LPIN2: variants seen among roughly 807,000 people sequenced by gnomAD.
LPIN2 encodes the protein phosphatidate phosphatase LPIN2.
In LPIN2, 55 loss-of-function variants were observed where a neutral mutation model predicts 111.4. The observed-to-expected ratio is 0.49, with a 90% CI of 0.40 to 0.62. The LOEUF (loss-of-function observed/expected upper bound fraction) is 0.62. LPIN2 is among the 20% of genes least tolerant of loss of function. The pLI is 0.00. For missense variants in LPIN2, 992 were observed against 1,112.1 expected (o/e 0.89, Z 1.54); for synonymous variants, 425 against 414.0 (o/e 1.03, Z -0.32).
At chr18:2,996,564 G>A (rs866527656) in intron 1 of LPIN2, among the ~76,000 whole-genome samples, 3 of 138,484 alleles carry the variant, frequency 2.2e-5, no homozygotes, top group African/African-American at 5.6e-5. Context: ...TGCAAGCTCC[G>A]GCTCCCAGGT....
chr18:2,976,883 A>T (rs2143336485), intron 1 of LPIN2, among the ~76,000 whole-genome samples: 1 of 152,324 alleles, frequency 6.6e-6, no homozygotes, highest in African/African-American at 2.4e-5. Flanking sequence ...TATACATCCA[A>T]AAGTCATCGT....
In LPIN2 at chr18:2,917,435, T is replaced by C. The variant is rs886398938; in HGVS notation, c.*2858A>G. The C allele has an allele frequency of 6.6e-6, 1 of 152,156 alleles. No homozygotes were observed. The highest frequency in any genetic ancestry group is 6.5e-5 in the Admixed American group (1 of 15,276). 9.4% of individuals were successfully genotyped at this position (152,156 alleles called of 1,614,324 possible). On this transcript the variant is annotated 3_prime_UTR_variant, in exon 20 of 20. Transcript: ENST00000677752. ...ACTTCCTTGTTTATTCTTTAAAGGG[T>C]TGGCCTGCACCTGCAGTGCCAACTG...
intron 1 of LPIN2, among the ~76,000 whole-genome samples, chr18:3,008,259 T>C (rs1015961992): frequency 6.6e-6 from 1 of 152,018 alleles, no homozygotes; most frequent in Non-Finnish European, 1.5e-5. Flanking sequence ...CTGGGCAACA[T>C]GATGATACCT....
In LPIN2 at chr18:2,920,800, T is replaced by C. The variant is rs768892153; in HGVS notation, c.2524A>G (p.Arg842Gly). 6 of 1,614,012 alleles carry C rather than the reference T, an allele frequency of 3.7e-6. No homozygotes were observed. The highest frequency in any genetic ancestry group is 4.2e-6 in the Non-Finnish European group (5 of 1,179,950). ...TACGATGACTTGTTTCCTTTGGTTC[T>C]TTCTTGTATTAATTCACCCTTGGGG... is the stretch of plus-strand genomic sequence containing the variant. The part of the protein sequence containing the change: ...VNPKGELIQE[R>G]TKGNKSSYHR... The change falls in exon 19 of 20, where the codon AGA becomes GGA. Residue 842 changes from arginine to glycine, a missense_variant. Transcript: ENST00000677752.
chr18:2,921,895 G>GT (rs752152242), intron 17 of LPIN2, 152 bp downstream of exon 17: 31 of 1,126,734 alleles, frequency 2.8e-5, no homozygotes, highest in Non-Finnish European at 3.9e-5. Flanking sequence ...CAAGTGAGCA[G>GT]TATGTGGTAG....
At chr18:2,962,896 A>G (rs1260315716) in intron 1 of LPIN2, among the ~76,000 whole-genome samples, 2 of 152,364 alleles carry the variant, frequency 1.3e-5, no homozygotes, top group East Asian at 3.9e-4. Flanking sequence ...ATTCAGCCAC[A>G]AACAAGTCTT....
intron 1 of LPIN2, among the ~76,000 whole-genome samples, chr18:2,986,524 G>C (rs1790988): frequency 0.91 from 131,923 of 144,280 alleles, 61,075 homozygotes; most frequent in East Asian, 1. Flanking sequence ...GTAGTCTATT[G>C]TGATAAGTCT....
At chr18:2,961,805 T>C (rs1177780537) in intron 1 of LPIN2, among the ~76,000 whole-genome samples, 2 of 152,124 alleles carry the variant, frequency 1.3e-5, no homozygotes, top group Admixed American at 1.3e-4. Flanking sequence ...GTGAAAGCCA[T>C]TCTGGGGACT....
At chr18:2,976,475 G>T (rs1456681202) in intron 1 of LPIN2, among the ~76,000 whole-genome samples, 1 of 152,176 alleles carries the variant, frequency 6.6e-6, no homozygotes, top group Non-Finnish European at 1.5e-5. Context: ...AAAGAATGTA[G>T]GCTGCCTTAT....
chr18:2,921,063 G>T lies in LPIN2; in HGVS notation c.2443-182C>A, dbSNP rs1266798965. ...AACCTAAACTACAGAGTGGTGCTTG[G>T]AGAGTCAGAAAACTTGGGCAGCCAC... On this transcript the variant is annotated intron_variant, in intron 18 of 19. Coordinates refer to ENST00000677752, the MANE Select transcript of LPIN2 (RefSeq NM_001375808.2). 14 of 650,566 alleles carry T rather than the reference G, an allele frequency of 2.2e-5. No individual in the cohort carries two copies. In the East Asian group the frequency reaches 3.6e-4, roughly 17 times the overall value. 40.3% of individuals were successfully genotyped at this position (650,566 alleles called of 1,614,324 possible).
rs150312425 is a variant in LPIN2 at position 2,951,129 on chromosome 18, G to A, written c.516C>T (p.Ala172=). Residue 172 remains alanine (A), a synonymous_variant, in exon 4 of 20, where the codon GCC becomes GCT. Transcript: ENST00000677752. ...YKQDSKKEEQ[A]ASAAAEDTCD... is the part of the protein sequence containing the mutation. ...ATGTGTCTTCTGCAGCAGCAGATGCGGCCTGCTCTTCCTTCTTACTGTCCT... is the reference window on the plus strand; with the variant it reads ...ATGTGTCTTCTGCAGCAGCAGATGCAGCCTGCTCTTCCTTCTTACTGTCCT... 159 of 1,614,060 alleles carry A rather than the reference G, an allele frequency of 9.9e-5. 2 individuals are homozygous for A. The highest frequency in any genetic ancestry group is 7.2e-4 in the South Asian group (66 of 91,068).
At chr18:2,981,253 C>A (rs2078105919) in intron 1 of LPIN2, among the ~76,000 whole-genome samples, 1 of 152,230 alleles carries the variant, frequency 6.6e-6, no homozygotes, top group Non-Finnish European at 1.5e-5. Flanking sequence ...CCTCTAACCA[C>A]ACACACCCAG....
intron 1 of LPIN2, among the ~76,000 whole-genome samples, chr18:2,998,162 G>A (rs906408927): frequency 6.6e-6 from 1 of 152,210 alleles, no homozygotes; most frequent in Non-Finnish European, 1.5e-5. Flanking sequence ...CCTGGCTCTG[G>A]GAGGACACTT....
rs137918504 is a variant in LPIN2, at chr18:2,965,941, T to C, written c.-9-5092A>G. Among the ~76,000 whole-genome samples the C allele has an allele frequency of 6.3e-3, 965 of 152,294 alleles. 3 individuals carry two copies. Among genetic ancestry groups the C allele is most frequent in the African/African-American group, 0.022 (916 of 41,566 alleles). On this transcript the variant is annotated intron_variant, in intron 1 of 19. Coordinates refer to ENST00000677752, the MANE Select transcript of LPIN2 (RefSeq NM_001375808.2). ...CAAAATGGACACATTCTATTTACTT[T>C]TATTTTCATTTTGAGACAGGGTTTC...
intron 1 of LPIN2, among the ~76,000 whole-genome samples, chr18:2,996,282 G>A (rs1334371209): frequency 6.6e-6 from 1 of 151,758 alleles, no homozygotes; most frequent in Non-Finnish European, 1.5e-5. Flanking sequence ...GGAGGTTGCA[G>A]TGAGCCGAGA....
At chr18:3,006,766 G>A (rs2078522632) in intron 1 of LPIN2, among the ~76,000 whole-genome samples, 1 of 152,072 alleles carries the variant, frequency 6.6e-6, no homozygotes, top group Non-Finnish European at 1.5e-5. Context: ...GAACCCGGGA[G>A]GCGGAGCTTG....
chr18:2,951,679 A>C (rs2077539870), intron 3 of LPIN2, among the ~76,000 whole-genome samples: 1 of 152,204 alleles, frequency 6.6e-6, no homozygotes, highest in Admixed American at 6.5e-5. Context: ...GCAAAGATCA[A>C]AGCAGCAACA....
intron 1 of LPIN2, 128 bp from the exon 2 acceptor site, chr18:2,960,977 A>G (rs1327434813): frequency 1.9e-5 from 3 of 155,834 alleles, no homozygotes; most frequent in Admixed American, 9.1e-5. Flanking sequence ...AGCCTTATTA[A>G]TTTTCAACCT....
At chr18:2,994,577 A>G (rs912959257) in intron 1 of LPIN2, among the ~76,000 whole-genome samples, 12 of 152,238 alleles carry the variant, frequency 7.9e-5, no homozygotes, top group African/African-American at 2.7e-4. Flanking sequence ...GGTAAATGGG[A>G]TATCCATCCC....
Sources: allele counts gnomAD v4.1 joint callset (sites outside exome capture counted in the v4.1 genomes callset), GRCh38; gene constraint gnomAD v4.1.1; transcripts MANE v1.5; gene names NCBI Gene and HGNC (gene_info 2026-07-23, HGNC 2026-07-21).